The following SMCHD1 variants were observed in gnomAD, a reference collection of about 807,000 sequenced individuals.
SMCHD1 encodes structural maintenance of chromosomes flexible hinge domain-containing protein 1.
In SMCHD1, 78 loss-of-function variants were observed where a neutral mutation model predicts 254.7. The ratio of observed to expected loss-of-function variants is 0.31; its 90% CI spans 0.26 to 0.37. The LOEUF (loss-of-function observed/expected upper bound fraction) is 0.37, where lower values mean the gene tolerates loss of function less well. Ranked by LOEUF, SMCHD1 falls within the 10% of genes least tolerant of loss-of-function variation. The pLI, the probability that SMCHD1 is intolerant of heterozygous loss-of-function variation, is 1.00. For synonymous variants in SMCHD1, 766 were observed against 794.9 expected, an observed-to-expected ratio of 0.96 and a Z score of 0.61; for missense variants, 1,840 against 2,408.1, an observed-to-expected ratio of 0.76 and a Z score of 4.94.
intron 5 of SMCHD1, among the ~76,000 whole-genome samples, chr18:2,686,126 CTT>C (rs1162588227): frequency 1.3e-5 from 2 of 152,132 alleles, no homozygotes; most frequent in East Asian, 3.8e-4. Context: ...GGCTCTCTCT[CTT>C]CCCCCCAAAC....
intron 29 of SMCHD1, among the ~76,000 whole-genome samples, chr18:2,744,664 A>T (rs1198499019): frequency 6.6e-6 from 1 of 152,208 alleles, no homozygotes; most frequent in East Asian, 1.9e-4. Flanking sequence ...AGCAGTTTTG[A>T]AGAATAGTAA....
intron 19 of SMCHD1, among the ~76,000 whole-genome samples, chr18:2,719,399 G>A (rs1447693340): frequency 1.3e-5 from 2 of 151,254 alleles, no homozygotes; most frequent in Admixed American, 1.3e-4. Context: ...AGGTTCAAGC[G>A]ATTCTTCTTG....
At position 2,796,527 on chromosome 18, in the gene SMCHD1, T is replaced by G; in HGVS notation, c.5993+6T>G. The G allele has an allele frequency of 6.4e-7, 1 of 1,552,008 alleles. No homozygotes were observed. The highest frequency in any genetic ancestry group is 1.2e-5 in the South Asian group (1 of 85,678). ...GAAGCTACAAGACAAAATAGGTGAGTTTGTTTGACCTGAGAATTATGCTTG... is the reference window on the plus strand; with the variant it reads ...GAAGCTACAAGACAAAATAGGTGAGGTTGTTTGACCTGAGAATTATGCTTG... On this transcript the variant is annotated splice_donor_region_variant and intron_variant, in intron 47 of 47. Transcript: ENST00000320876.
Position 2,718,064 on chromosome 18 carries a change from G to A in SMCHD1, c.2261-94G>A. ...GCTTCAAAGCAGGTTTTAAAATACA[G>A]CAAATAGGTATTTGGTGCCAATGTG... On this transcript the variant is annotated intron_variant, in intron 17 of 47. Coordinates refer to ENST00000320876, the MANE Select transcript of SMCHD1 (RefSeq NM_015295.3). This position sits in a 1 kb window ranked among gnomAD's most constrained non-coding sequence, Gnocchi z 4.6. The A allele has an allele frequency of 1.1e-6, 1 of 911,116 alleles. No individual in the cohort carries two copies. Among genetic ancestry groups the A allele is most frequent in the Non-Finnish European group, 1.7e-6 (1 of 601,084 alleles). 56.4% of individuals were successfully genotyped at this position (911,116 alleles called of 1,614,324 possible).
At chr18:2,728,680 C>T (rs1568250746) in intron 23 of SMCHD1, 84 bp downstream of exon 23, 1 of 1,394,220 alleles carries the variant, frequency 7.2e-7, no homozygotes, top group Non-Finnish European at 9.7e-7. Context: ...GTAAGTCTTA[C>T]ACAGGATTTA....
In SMCHD1 at chr18:2,803,163, A is replaced by G. The variant is rs2076392864; in HGVS notation, c.*611A>G. 1.4e-5 allele frequency: 2 copies of G among 147,056 alleles called. No individual in the cohort carries two copies. The highest frequency in any genetic ancestry group is 2.5e-5 in the African/African-American group (1 of 40,174). The allele number at this position is 147,056 out of a possible 1,614,324, so 9.1% of individuals were successfully genotyped here. A position where few individuals can be genotyped will look rare whatever the true frequency, so the allele number is the denominator to read the frequency against. On this transcript the variant is annotated 3_prime_UTR_variant, in exon 48 of 48. Transcript: ENST00000320876. Reference sequence around the variant, plus strand: ...ACTTGTGACAGTGGTAGCATTTCAAATTTCAAAAGACTTATCCTGTGTGTG... The same window carrying G: ...ACTTGTGACAGTGGTAGCATTTCAAGTTTCAAAAGACTTATCCTGTGTGTG...
In SMCHD1 at chr18:2,718,079, G is replaced by T; in HGVS notation, c.2261-79G>T. On this transcript the variant is annotated intron_variant, in intron 17 of 47. Coordinates refer to ENST00000320876, the MANE Select transcript of SMCHD1 (RefSeq NM_015295.3). This position sits in a 1 kb window ranked among gnomAD's most constrained non-coding sequence, Gnocchi z 4.6. ...TTAAAATACAGCAAATAGGTATTTGGTGCCAATGTGACATTGCGTATTTCA... is the reference window on the plus strand; with the variant it reads ...TTAAAATACAGCAAATAGGTATTTGTTGCCAATGTGACATTGCGTATTTCA... 9.3e-7 allele frequency: 1 copy of T among 1,072,834 alleles called. No homozygotes were observed. Among genetic ancestry groups the T allele is most frequent in the South Asian group, 1.5e-5 (1 of 68,714 alleles). The allele number at this position is 1,072,834 out of a possible 1,614,324, so 66.5% of individuals were successfully genotyped here. A position where few individuals can be genotyped will look rare whatever the true frequency, so the allele number is the denominator to read the frequency against.
chr18:2,716,906 C>T (rs903961516), intron 17 of SMCHD1, among the ~76,000 whole-genome samples: 6 of 152,236 alleles, frequency 3.9e-5, no homozygotes, highest in African/African-American at 4.8e-5. Flanking sequence ...AACCAGGCTC[C>T]AGGCCATACC....
At chr18:2,769,899 T>C in intron 38 of SMCHD1, 79 bp downstream of exon 38, 2 of 1,539,610 alleles carry the variant, frequency 1.3e-6, no homozygotes, top group Non-Finnish European at 1.8e-6. Flanking sequence ...TCCATTAACT[T>C]GGTGTTTATT....
intron 45 of SMCHD1, among the ~76,000 whole-genome samples, chr18:2,791,841 C>T (rs1049933433): frequency 2.0e-5 from 3 of 152,094 alleles, no homozygotes; most frequent in East Asian, 1.9e-4. Flanking sequence ...AGAGAGTGAG[C>T]GAGCTCTAGA....
At chr18:2,674,259 A>C (rs1482556468) in intron 5 of SMCHD1, 114 bp downstream of exon 5, 1 of 794,488 alleles carries the variant, frequency 1.3e-6, no homozygotes, top group African/African-American at 1.8e-5. Context: ...TGTTATTCAC[A>C]TATTTATTTA....
chr18:2,748,265 A>G (rs937871607), intron 30 of SMCHD1, among the ~76,000 whole-genome samples: 3 of 149,352 alleles, frequency 2.0e-5, no homozygotes, highest in African/African-American at 7.5e-5. Flanking sequence ...GAGAAGCTGC[A>G]TGGGATCTAG....
chr18:2,718,713 A>T lies in SMCHD1; in HGVS notation c.2458+279A>T, dbSNP rs898479978. ...TGGGATTACAGGCGCCCGCCACCAC[A>T]CCTGGCTTTTTGTATTTTTAGTAAA... On this transcript the variant is annotated intron_variant, in intron 19 of 47. Coordinates refer to ENST00000320876, the MANE Select transcript of SMCHD1 (RefSeq NM_015295.3). This position sits in a 1 kb window ranked among gnomAD's most constrained non-coding sequence, Gnocchi z 4.6. 2.0e-5 allele frequency among the ~76,000 whole-genome samples: 3 copies of T among 151,700 alleles called. No homozygotes were observed. Among genetic ancestry groups the T allele is most frequent in the African/African-American group, 7.3e-5 (3 of 41,314 alleles).
chr18:2,771,509 C>A (rs1230700041), intron 39 of SMCHD1, 24 bp from the exon 40 acceptor site: 18 of 1,531,134 alleles, frequency 1.2e-5, no homozygotes, highest in South Asian at 2.5e-5. Flanking sequence ...GAAATTGATG[C>A]AAATTTTTGG....
chr18:2,767,791 A>G (rs2075896955), intron 37 of SMCHD1, among the ~76,000 whole-genome samples: 1 of 151,660 alleles, frequency 6.6e-6, no homozygotes, highest in Non-Finnish European at 1.5e-5. Context: ...GGGTTTCACC[A>G]TGTTGGCCAG....
intron 3 of SMCHD1, among the ~76,000 whole-genome samples, chr18:2,669,555 T>A (rs189708097): frequency 1.0e-3 from 155 of 152,316 alleles, no homozygotes; most frequent in Admixed American, 7.9e-3. Context: ...GCCTTAGGGC[T>A]TAGTTCTTGC....
At chr18:2,801,584 A>G (rs897621136) in intron 47 of SMCHD1, among the ~76,000 whole-genome samples, 6 of 152,200 alleles carry the variant, frequency 3.9e-5, no homozygotes, top group African/African-American at 1.4e-4. Flanking sequence ...GAATATTGGT[A>G]TATTTCATCC....
chr18:2,780,461 A>G (rs10502306), intron 44 of SMCHD1, among the ~76,000 whole-genome samples: 44,354 of 151,888 alleles, frequency 0.29, 6,710 homozygotes, highest in East Asian at 0.51. Context: ...TAGCATTTTT[A>G]TATATCCCGA....
In SMCHD1 at chr18:2,695,652, G is replaced by A. The variant is rs527332995; in HGVS notation, c.1040+959G>A. On this transcript the variant is annotated intron_variant, in intron 8 of 47. Transcript: ENST00000320876. ...AGCTATGTGATACATACGATTTACT[G>A]TATTGTTTCCCTAATTTGCATTAGT... 7.2e-5 allele frequency among the ~76,000 whole-genome samples: 11 copies of A among 152,108 alleles called. No homozygotes were observed. The South Asian group carries it at 8.3e-4, about 11-fold the overall frequency.
Sources: gnomAD v4.1 joint callset for allele counts (sites outside exome capture counted in the v4.1 genomes callset) on GRCh38, gnomAD v4.1.1 for gene constraint, Gnocchi (gnomAD v3.1) non-coding constraint, MANE v1.5 for transcripts, NCBI Gene and HGNC (gene_info 2026-07-23, HGNC 2026-07-21) for gene names.